Variants in CCDC18 observed in about 807,000 individuals in gnomAD.
The protein encoded by CCDC18 is coiled-coil domain containing 18.
In CCDC18, 157 loss-of-function variants were observed where a neutral mutation model predicts 196.0. That is an observed-to-expected ratio of 0.80 (90% CI 0.70 to 0.91). The LOEUF (loss-of-function observed/expected upper bound fraction) is 0.91. CCDC18 is among the 40% of genes least tolerant of loss of function. The probability of loss-of-function intolerance (pLI) is 0.00; values close to 1 mark genes in which losing one functional copy is unlikely to be tolerated. For synonymous variants in CCDC18, 482 were observed against 529.2 expected, an observed-to-expected ratio of 0.91 and a Z score of 1.22; for missense variants, 1,465 against 1,611.6, an observed-to-expected ratio of 0.91 and a Z score of 1.56.
At chr1:93,180,915 G>C (rs1023800936) in intron 1 of CCDC18, 63 bp downstream of exon 1, 1 of 1,345,422 alleles carries the variant, frequency 7.4e-7, no homozygotes, top group Admixed American at 1.9e-5. Flanking sequence ...GGGGAAACCG[G>C]CTTACCTGGG....
rs544696080 is a variant in CCDC18, at chr1:93,257,368, G to C, written c.3546+830G>C. On this transcript the variant is annotated intron_variant, in intron 25 of 28. Transcript: ENST00000690025. ...CTTGGAGGTAAAGTGCTTTTAAAAA[G>C]CAAAAATACTAATATAAATTTTATT... Among the ~76,000 whole-genome samples, 98 of 149,922 alleles carry C rather than the reference G, an allele frequency of 6.5e-4. 1 individual carries two copies. Among genetic ancestry groups the C allele is most frequent in the African/African-American group, 1.8e-3 (75 of 40,764 alleles).
intron 27 of CCDC18, 79 bp from the exon 28 acceptor site, chr1:93,270,268 A>G: frequency 1.3e-6 from 1 of 796,504 alleles, no homozygotes; most frequent in South Asian, 1.9e-5. Flanking sequence ...TGACTTTCTA[A>G]AAGTCTATGA....
At chr1:93,220,126 C>T (rs1192098707) in intron 14 of CCDC18, among the ~76,000 whole-genome samples, 1 of 152,102 alleles carries the variant, frequency 6.6e-6, no homozygotes. Context: ...AAACAAAAAA[C>T]TTTGAAAGCA....
At chr1:93,233,729 G>A (rs372278782) in intron 18 of CCDC18, among the ~76,000 whole-genome samples, 1 of 152,278 alleles carries the variant, frequency 6.6e-6, no homozygotes, top group South Asian at 2.1e-4. Context: ...GACCTGAGTA[G>A]CTGGGATTAC....
chr1:93,185,427 ATT>A (rs1650476840), intron 3 of CCDC18, among the ~76,000 whole-genome samples: 1 of 151,984 alleles, frequency 6.6e-6, no homozygotes, highest in Non-Finnish European at 1.5e-5. Flanking sequence ...ATATCAAAAG[ATT>A]AGAAATAGTT....
chr1:93,258,073 T>C (rs140897750), intron 25 of CCDC18, among the ~76,000 whole-genome samples: 173 of 150,058 alleles, frequency 1.2e-3, no homozygotes, highest in Non-Finnish European at 2.0e-3. Flanking sequence ...AAAATTAAAA[T>C]AATTAAATTA....
Position 93,180,740 on chromosome 1 carries a change from T to C in CCDC18, c.-115T>C. 1 of 1,366,652 alleles carries C rather than the reference T, an allele frequency of 7.3e-7. No homozygotes were observed. Among genetic ancestry groups the C allele is most frequent in the South Asian group, 1.1e-5 (1 of 88,028 alleles). The allele number at this position is 1,366,652 out of a possible 1,614,324, so 84.7% of individuals were successfully genotyped here. A position where few individuals can be genotyped will look rare whatever the true frequency, so the allele number is the denominator to read the frequency against. On this transcript the variant is annotated 5_prime_UTR_variant, in exon 1 of 29. Coordinates refer to ENST00000690025, the MANE Select transcript of CCDC18 (RefSeq NM_001378204.1). ...TCCCGCGGCGGTTCGAATTCTGTGC[T>C]GCCGGGGTTCGCTGGTTCTCCGAGT... is the stretch of plus-strand genomic sequence containing the variant.
intron 17 of CCDC18, 21 bp downstream of exon 17, chr1:93,226,470 T>C (rs769194287): frequency 2.0e-6 from 2 of 984,474 alleles, no homozygotes; most frequent in East Asian, 4.9e-5. Context: ...ATTTACTTTA[T>C]ATATAGCATA....
rs373187173 is a variant in CCDC18, at chr1:93,246,863, G to C, written c.3107G>C (p.Arg1036Pro). 2.0e-6 allele frequency: 3 copies of C among 1,535,000 alleles called. No individual in the cohort carries two copies. Among genetic ancestry groups the C allele is most frequent in the Non-Finnish European group, 2.7e-6 (3 of 1,118,762 alleles). The change falls in exon 23 of 29, where the codon CGT becomes CCT. Residue 1036 changes from arginine (R) to proline (P), a missense_variant. Physicochemically the swap from Arg to Pro is moderately radical, Grantham distance 103. Coordinates refer to ENST00000690025, the MANE Select transcript of CCDC18 (RefSeq NM_001378204.1). The part of the protein sequence containing the change: ...AQVTHLDMTI[R>P]EHRGEMEQKI... ...GTTACACATTTGGATATGACTATTCGTGAGCACAGAGGAGAAATGGAACAA... is the reference window on the plus strand; with the variant it reads ...GTTACACATTTGGATATGACTATTCCTGAGCACAGAGGAGAAATGGAACAA...
intron 23 of CCDC18, among the ~76,000 whole-genome samples, chr1:93,249,594 G>A (rs1345189366): frequency 6.6e-6 from 1 of 151,998 alleles, no homozygotes; most frequent in African/African-American, 2.4e-5. Flanking sequence ...TGTTGCTCAG[G>A]CTCACATTCT....
chr1:93,214,339 T>C (rs1342716701), intron 11 of CCDC18, among the ~76,000 whole-genome samples: 1 of 152,218 alleles, frequency 6.6e-6, no homozygotes, highest in Non-Finnish European at 1.5e-5. Flanking sequence ...CTGTGTGCAG[T>C]ACATAAAAAT....
intron 4 of CCDC18, among the ~76,000 whole-genome samples, chr1:93,189,684 A>G (rs1247436277): frequency 6.6e-6 from 1 of 151,400 alleles, no homozygotes; most frequent in Non-Finnish European, 1.5e-5. Flanking sequence ...TTTTTTTGAG[A>G]CAAGGTCTTG....
At chr1:93,195,338 A>G (rs1190510645) in intron 6 of CCDC18, among the ~76,000 whole-genome samples, 3 of 152,242 alleles carry the variant, frequency 2.0e-5, no homozygotes, top group African/African-American at 7.2e-5. Context: ...CAAGAAAGAC[A>G]GGCTGGATCC....
intron 13 of CCDC18, 35 bp from the exon 14 acceptor site, chr1:93,217,703 C>T (rs1656736496): frequency 1.3e-6 from 2 of 1,555,026 alleles, no homozygotes; most frequent in African/African-American, 2.8e-5. Flanking sequence ...CCTCCCAAAT[C>T]AATTATACTC....
Position 93,224,013 on chromosome 1 carries a change from TAAG to T in CCDC18, c.2175+2080_2175+2082del, listed in dbSNP as rs1390707831. 9.9e-5 allele frequency among the ~76,000 whole-genome samples: 15 copies of T among 152,204 alleles called. 2 individuals carry two copies. Among genetic ancestry groups the T allele is most frequent in the Admixed American group, 7.9e-4 (12 of 15,278 alleles). Reference sequence around the variant, plus strand: ...TTCAGACTTTCAAACTCTGTTCAAATAAGAAATTCAATAGAGTAGCGGATGTTT... The same window carrying T: ...TTCAGACTTTCAAACTCTGTTCAAATAAATTCAATAGAGTAGCGGATGTTT... On this transcript the variant is annotated intron_variant, in intron 16 of 28. Coordinates refer to ENST00000690025, the MANE Select transcript of CCDC18 (RefSeq NM_001378204.1).
chr1:93,221,659 G>T lies in CCDC18; in HGVS notation c.2013G>T (p.Lys671Asn). 6.3e-7 allele frequency: 1 copy of T among 1,587,776 alleles called. No individual in the cohort carries two copies. Among genetic ancestry groups the T allele is most frequent in the East Asian group, 2.3e-5 (1 of 43,492 alleles). ...ACCAACAATTTAAAGAACAAGAAAA[G>T]ACTATGTCCATGTTGCAACAAGATA... is the stretch of plus-strand genomic sequence containing the variant. Reference protein sequence around the residue: ...KKDQQFKEQEKTMSMLQQDII... With the variant: ...KKDQQFKEQENTMSMLQQDII... The change falls in exon 15 of 29, where the codon AAG (lysine) becomes AAT (asparagine). Residue 671 changes from lysine to asparagine, a missense_variant. Coordinates refer to ENST00000690025, the MANE Select transcript of CCDC18 (RefSeq NM_001378204.1).
chr1:93,186,217 A>T, intron 3 of CCDC18, 128 bp from the exon 4 acceptor site: 1 of 785,254 alleles, frequency 1.3e-6, no homozygotes, highest in Non-Finnish European at 2.1e-6. Flanking sequence ...AATACTCACT[A>T]AGTATTTTAA....
chr1:93,254,673 C>CT (rs972225990), intron 24 of CCDC18, 59 bp downstream of exon 24: 1 of 1,485,876 alleles, frequency 6.7e-7, no homozygotes, highest in African/African-American at 1.4e-5. Flanking sequence ...TGAAATGAAT[C>CT]TTTATGTTTT....
chr1:93,215,223 G>T (rs1380577795), intron 12 of CCDC18, among the ~76,000 whole-genome samples: 2 of 152,056 alleles, frequency 1.3e-5, no homozygotes, highest in African/African-American at 4.8e-5. Flanking sequence ...ATATTGCATT[G>T]CAGCCTATTA....
Sources: gnomAD v4.1 joint callset for allele counts (sites outside exome capture counted in the v4.1 genomes callset) on GRCh38, gnomAD v4.1.1 for gene constraint, MANE v1.5 for transcripts, NCBI Gene and HGNC (gene_info 2026-07-23, HGNC 2026-07-21) for gene names.